PPHLN1: variants seen among roughly 807,000 people sequenced by gnomAD.
PPHLN1 encodes periphilin-1.
PPHLN1 carries 29 observed loss-of-function variants against 51.3 expected under a neutral mutation model. The ratio of observed to expected loss-of-function variants is 0.57; its 90% CI spans 0.42 to 0.77. The LOEUF is 0.77. Ranked by LOEUF, PPHLN1 falls within the 30% of genes least tolerant of loss-of-function variation. PPHLN1 has a pLI of 0.00. For missense variants in PPHLN1, 436 were observed against 438.4 expected (o/e 0.99, Z 0.05); for synonymous variants, 147 against 147.8 (o/e 0.99, Z 0.04).
chr12:42,439,537 C>T (rs186199292), intron 9 of PPHLN1, among the ~76,000 whole-genome samples: 3 of 152,312 alleles, frequency 2.0e-5, no homozygotes, highest in Admixed American at 1.3e-4. Flanking sequence ...TGTTTTGAGA[C>T]AAGGTCTCGC....
Position 42,414,179 on chromosome 12 carries a change from C to T in PPHLN1, c.909+15185C>T, listed in dbSNP as rs564133699. Among the ~76,000 whole-genome samples the T allele has an allele frequency of 2.0e-5, 3 of 152,106 alleles. No individual in the cohort carries two copies. In the East Asian group the frequency reaches 5.8e-4, roughly 29 times the overall value. ...TCTCCCGAGTAGCTGGGATTACAGG[C>T]ACCTGCCACCATGCCCGGCTTATTT... is the stretch of plus-strand genomic sequence containing the variant. On this transcript the variant is annotated intron_variant, in intron 9 of 9. Transcript: ENST00000358314.
intron 8 of PPHLN1, among the ~76,000 whole-genome samples, chr12:42,394,440 A>G (rs1047133776): frequency 3.3e-5 from 5 of 152,146 alleles, no homozygotes; most frequent in Admixed American, 3.3e-4. Flanking sequence ...TTACTTTTGG[A>G]ATGACTTTTA....
At chr12:42,403,244 G>A (rs2078995677) in intron 9 of PPHLN1, among the ~76,000 whole-genome samples, 1 of 152,088 alleles carries the variant, frequency 6.6e-6, no homozygotes, top group Non-Finnish European at 1.5e-5. Context: ...TAGACATCAA[G>A]TCTACCCTAC....
At chr12:42,420,613 A>T (rs2080902947) in intron 9 of PPHLN1, among the ~76,000 whole-genome samples, 1 of 149,204 alleles carries the variant, frequency 6.7e-6, no homozygotes, top group Admixed American at 6.7e-5. Context: ...TGAGATTACA[A>T]GTGTGTGCCA....
chr12:42,404,145 C>CATA (rs2079080404), intron 9 of PPHLN1, among the ~76,000 whole-genome samples: 1 of 151,896 alleles, frequency 6.6e-6, no homozygotes, highest in East Asian at 1.9e-4. Flanking sequence ...ATGAAAATTA[C>CATA]CATACAGGTG....
intron 9 of PPHLN1, among the ~76,000 whole-genome samples, chr12:42,435,553 A>T (rs2082407976): frequency 1.3e-5 from 2 of 152,248 alleles, no homozygotes; most frequent in South Asian, 4.1e-4. Context: ...GTTTAAATTT[A>T]TCTCCAGTAT....
chr12:42,391,631 A>G (rs1010829158), intron 7 of PPHLN1, among the ~76,000 whole-genome samples: 58 of 152,258 alleles, frequency 3.8e-4, no homozygotes, highest in African/African-American at 1.3e-3. Context: ...CCCCCTGGAA[A>G]AAAAAACAAC....
Position 42,428,676 on chromosome 12 carries a change from G to A in PPHLN1, c.910-12639G>A, listed in dbSNP as rs79491818. Among the ~76,000 whole-genome samples the A allele has an allele frequency of 6.0e-3, 909 of 152,166 alleles. 33 individuals are homozygous for A. The East Asian group carries it at 0.084, about 14-fold the overall frequency. On this transcript the variant is annotated intron_variant, in intron 9 of 9. Transcript: ENST00000358314. ...CCACATATTGGGTGCAGTGTATACT[G>A]CCTGCTCAGGTGATGAGTACACCAA...
chr12:42,411,903 C>CAAAA (rs1212289027), intron 9 of PPHLN1, among the ~76,000 whole-genome samples: 2,372 of 33,922 alleles, frequency 0.07, 282 homozygotes, highest in Non-Finnish European at 0.092. Context: ...GACTCAGTCT[C>CAAAA]AAAAAAAAAA....
chr12:42,406,478 G>T (rs1235868935), intron 9 of PPHLN1, among the ~76,000 whole-genome samples: 1 of 152,138 alleles, frequency 6.6e-6, no homozygotes, highest in Non-Finnish European at 1.5e-5. Context: ...CGTTGATGTT[G>T]TTACATGTTA....
chr12:42,365,458 C>T (rs2075164573), intron 4 of PPHLN1, among the ~76,000 whole-genome samples: 1 of 152,162 alleles, frequency 6.6e-6, no homozygotes, highest in South Asian at 2.1e-4. Flanking sequence ...GAATTTTACT[C>T]ATAACCGGTG....
At chr12:42,388,142 G>A (rs537049111) in intron 7 of PPHLN1, among the ~76,000 whole-genome samples, 5 of 152,266 alleles carry the variant, frequency 3.3e-5, no homozygotes, top group South Asian at 4.1e-4. Flanking sequence ...CCCGTAAAGG[G>A]TCTGTGCTGA....
At chr12:42,341,452 T>C (rs573266612) in intron 2 of PPHLN1, among the ~76,000 whole-genome samples, 2 of 152,286 alleles carry the variant, frequency 1.3e-5, no homozygotes, top group East Asian at 3.9e-4. Context: ...GCAGCTGTTT[T>C]CTGAGTTTCT....
chr12:42,377,654 G>T (rs2076388309), intron 5 of PPHLN1, among the ~76,000 whole-genome samples: 1 of 151,996 alleles, frequency 6.6e-6, no homozygotes, highest in Non-Finnish European at 1.5e-5. Context: ...ATCCAATAAT[G>T]ATTTTCATTA....
intron 4 of PPHLN1, 136 bp downstream of exon 4, chr12:42,355,358 ATTC>A: frequency 1.4e-6 from 1 of 717,162 alleles, no homozygotes; most frequent in Admixed American, 2.5e-5. Context: ...CAAGCATTAT[ATTC>A]TTTTTGTGAC....
chr12:42,387,422 GA>G (rs760371326), intron 6 of PPHLN1, 33 bp from the exon 7 acceptor site: 14 of 1,566,444 alleles, frequency 8.9e-6, no homozygotes, highest in South Asian at 6.1e-5. Flanking sequence ...AAATTAGCTA[GA>G]AAAAAAATTA....
chr12:42,361,507 T>G (rs548182178), intron 4 of PPHLN1: 1 of 152,312 alleles, frequency 6.6e-6, no homozygotes, highest in South Asian at 2.1e-4. Context: ...AAATTTTGTT[T>G]ATATATGTAT....
downstream of PPHLN1, chr12:42,442,231 T>C (rs571835180): frequency 6.2e-6 from 1 of 162,070 alleles, no homozygotes; most frequent in East Asian, 1.9e-4. Flanking sequence ...TAGGAGAAGC[T>C]ATAAGGAAAG....
rs76218107 is a variant in PPHLN1, at chr12:42,368,390, G to A, written c.300-6473G>A. Among the ~76,000 whole-genome samples the A allele has an allele frequency of 6.0e-3, 908 of 152,226 alleles. 34 individuals carry two copies. In the East Asian group the frequency reaches 0.084, roughly 14 times the overall value. On this transcript the variant is annotated intron_variant, in intron 4 of 9. Transcript: ENST00000358314. ...AATATTTTAAAGCTTGAGAGTCCATGTATTCATGTAAGGTTAAAAATGAGA... is the reference window on the plus strand; with the variant it reads ...AATATTTTAAAGCTTGAGAGTCCATATATTCATGTAAGGTTAAAAATGAGA...
Sources: allele counts gnomAD v4.1 joint callset (sites outside exome capture counted in the v4.1 genomes callset), GRCh38; gene constraint gnomAD v4.1.1; transcripts MANE v1.5; gene names NCBI Gene and HGNC (gene_info 2026-07-23, HGNC 2026-07-21).